ANGPT1: variants seen among roughly 807,000 people sequenced by gnomAD.
ANGPT1 encodes the protein angiopoietin 1, also known as angiopoietin-1.
ANGPT1 carries 17 observed loss-of-function variants against 62.2 expected under a neutral mutation model. The ratio of observed to expected loss-of-function variants is 0.27; its 90% CI spans 0.19 to 0.41. The LOEUF is 0.41. Among genes scored for constraint, ANGPT1 ranks in the 10% least tolerant of loss-of-function variants. The pLI is 1.00. For missense variants in ANGPT1, 478 were observed against 594.9 expected (o/e 0.80, Z 2.04); for synonymous variants, 199 against 198.9 (o/e 1.00, Z 0.00).
intron 7 of ANGPT1, chr8:107,284,355 A>C (rs540955555): frequency 8.8e-6 from 1 of 113,462 alleles, no homozygotes; most frequent in Non-Finnish European, 1.7e-5. Flanking sequence ...TAAGCCAATG[A>C]GTTTGAGTAT....
intron 1 of ANGPT1, among the ~76,000 whole-genome samples, chr8:107,386,022 G>T (rs1427373149): frequency 6.6e-6 from 1 of 151,832 alleles, no homozygotes; most frequent in East Asian, 1.9e-4. Flanking sequence ...ACTGAATAAA[G>T]AAAATATGGT....
chr8:107,448,948 G>T (rs1257146354), intron 1 of ANGPT1, among the ~76,000 whole-genome samples: 1 of 152,004 alleles, frequency 6.6e-6, no homozygotes, highest in Non-Finnish European at 1.5e-5. Context: ...CTTATGAGAG[G>T]GTTCACAGGC....
intron 1 of ANGPT1, among the ~76,000 whole-genome samples, chr8:107,417,040 C>CA (rs1213591154): frequency 3.3e-5 from 5 of 152,130 alleles, no homozygotes; most frequent in Admixed American, 6.6e-5. Flanking sequence ...CCGCCCACCT[C>CA]AACCTCCCAA....
chr8:107,442,203 G>A (rs187578330), intron 1 of ANGPT1, among the ~76,000 whole-genome samples: 315 of 152,246 alleles, frequency 2.1e-3, no homozygotes, highest in African/African-American at 5.8e-3. Flanking sequence ...GCTCATGCAC[G>A]TACCTCCTTA....
At chr8:107,338,534 A>G (rs1206066184) in intron 2 of ANGPT1, among the ~76,000 whole-genome samples, 1 of 152,230 alleles carries the variant, frequency 6.6e-6, no homozygotes, top group African/African-American at 2.4e-5. Context: ...GCTATGACTC[A>G]TTTATACAGT....
intron 7 of ANGPT1, among the ~76,000 whole-genome samples, chr8:107,275,576 T>C (rs1813845084): frequency 6.6e-6 from 1 of 152,182 alleles, no homozygotes; most frequent in African/African-American, 2.4e-5. Flanking sequence ...AATTGCCTGT[T>C]TGGCTGTCTG....
intron 6 of ANGPT1, among the ~76,000 whole-genome samples, chr8:107,286,171 C>G (rs1161678874): frequency 6.6e-6 from 1 of 152,086 alleles, no homozygotes; most frequent in Non-Finnish European, 1.5e-5. Context: ...CCTCTGCCAA[C>G]TGAGTTACTT....
chr8:107,307,650 T>C (rs2129996681), intron 4 of ANGPT1, among the ~76,000 whole-genome samples: 1 of 152,222 alleles, frequency 6.6e-6, no homozygotes, highest in East Asian at 1.9e-4. Context: ...CTTTTATCGG[T>C]TTATTTTCCT....
At chr8:107,376,266 C>T (rs1632130) in intron 1 of ANGPT1, among the ~76,000 whole-genome samples, 112,400 of 152,072 alleles carry the variant, frequency 0.74, 42,507 homozygotes, top group East Asian at 0.87. Flanking sequence ...ACAAGTTGCT[C>T]GCCATGTGGT....
intron 4 of ANGPT1, among the ~76,000 whole-genome samples, chr8:107,320,938 C>T (rs991351417): frequency 6.6e-6 from 1 of 152,148 alleles, no homozygotes; most frequent in Admixed American, 6.5e-5. Flanking sequence ...TGAACCACTT[C>T]ATGAATGGTC....
chr8:107,406,701 T>C (rs1490191364), intron 1 of ANGPT1, among the ~76,000 whole-genome samples: 1 of 152,066 alleles, frequency 6.6e-6, no homozygotes, highest in Admixed American at 6.6e-5. Context: ...TGCTCCCTTT[T>C]TGTCGTTTAT....
At chr8:107,461,975 T>A (rs1050508135) in intron 1 of ANGPT1, among the ~76,000 whole-genome samples, 1 of 152,032 alleles carries the variant, frequency 6.6e-6, no homozygotes, top group Admixed American at 6.6e-5. Context: ...TTAAGAACAT[T>A]TATGTGGTCA....
At chr8:107,458,657 A>C (rs1297893917) in intron 1 of ANGPT1, among the ~76,000 whole-genome samples, 1 of 152,152 alleles carries the variant, frequency 6.6e-6, no homozygotes, top group East Asian at 1.9e-4. Flanking sequence ...TTGATGCAAC[A>C]ATATAACATT....
At chr8:107,300,674 A>C (rs1357979800) in intron 5 of ANGPT1, among the ~76,000 whole-genome samples, 3 of 151,912 alleles carry the variant, frequency 2.0e-5, no homozygotes, top group Admixed American at 6.6e-5. Flanking sequence ...ACGTATGGGT[A>C]TGTTACTGCT....
chr8:107,342,309 T>C (rs1815711570), intron 2 of ANGPT1, among the ~76,000 whole-genome samples: 1 of 152,194 alleles, frequency 6.6e-6, no homozygotes, highest in South Asian at 2.1e-4. Context: ...CAAGTATTTA[T>C]TGAGAGCCTA....
At chr8:107,281,756 C>T (rs1286362894) in intron 7 of ANGPT1, among the ~76,000 whole-genome samples, 3 of 152,010 alleles carry the variant, frequency 2.0e-5, no homozygotes, top group Non-Finnish European at 4.4e-5. Context: ...CCAGCCTGGG[C>T]GATAAGAGTG....
intron 1 of ANGPT1, among the ~76,000 whole-genome samples, chr8:107,437,742 A>C (rs1456778734): frequency 6.6e-6 from 1 of 152,206 alleles, no homozygotes; most frequent in Admixed American, 6.5e-5. Flanking sequence ...ACTCATCAGG[A>C]ATCATAGATG....
chr8:107,433,584 G>A (rs571446874), intron 1 of ANGPT1, among the ~76,000 whole-genome samples: 234 of 152,274 alleles, frequency 1.5e-3, no homozygotes, highest in Non-Finnish European at 2.0e-3. Context: ...TTACTGGATT[G>A]AAATATCATC....
chr8:107,334,035 A>AAGGAAGGAAGGAAGGAAGGG (rs1231470864), intron 3 of ANGPT1, among the ~76,000 whole-genome samples: 3 of 147,450 alleles, frequency 2.0e-5, no homozygotes, highest in Admixed American at 6.7e-5. Flanking sequence ...GGAAGGAAGG[A>AAGGAAGGAAGGAAGGAAGGG]AGGATGGATA....
Sources: allele counts gnomAD v4.1 joint callset (sites outside exome capture counted in the v4.1 genomes callset), GRCh38; gene constraint gnomAD v4.1.1; transcripts MANE v1.5; gene names NCBI Gene and HGNC (gene_info 2026-07-23, HGNC 2026-07-21).